XYLB: variants seen among roughly 807,000 people sequenced by gnomAD.
The protein encoded by XYLB is xylulokinase, also known as xylulose kinase.
XYLB carries 62 observed loss-of-function variants against 78.7 expected under a neutral mutation model. The ratio of observed to expected loss-of-function variants is 0.79; its 90% confidence interval spans 0.64 to 0.97. The LOEUF (loss-of-function observed/expected upper bound fraction) is 0.97. Ranked by LOEUF, XYLB falls within the 50% of genes least tolerant of loss-of-function variation. The probability of loss-of-function intolerance (pLI) is 0.00; values close to 1 mark genes in which losing one functional copy is unlikely to be tolerated. For missense variants in XYLB, 687 were observed against 676.8 expected, an observed-to-expected ratio of 1.02 and a Z score of -0.17; for synonymous variants, 245 against 247.4, an observed-to-expected ratio of 0.99 and a Z score of 0.09.
At chr3:38,439,379 C>A in the XYLB span, among the ~76,000 whole-genome samples, 1 of 152,184 alleles carries the variant, frequency 6.6e-6, no homozygotes, top group Admixed American at 6.5e-5. Context: ...GTTAAAAATA[C>A]AAGGCCCAAA....
the XYLB span, among the ~76,000 whole-genome samples, chr3:38,436,953 G>A: frequency 6.6e-6 from 1 of 150,732 alleles, no homozygotes; most frequent in African/African-American, 2.4e-5. Flanking sequence ...GCAGTGAGCT[G>A]AGATCACACC....
intron 8 of XYLB, among the ~76,000 whole-genome samples, chr3:38,369,687 G>A (rs562029528): frequency 1.3e-5 from 2 of 152,208 alleles, no homozygotes; most frequent in Non-Finnish European, 2.9e-5. Flanking sequence ...TGAAAAGTTA[G>A]ATGAGATTGA....
At chr3:38,353,899 A>AG (rs1705503519) in intron 2 of XYLB, among the ~76,000 whole-genome samples, 1 of 150,888 alleles carries the variant, frequency 6.6e-6, no homozygotes. Context: ...AAAAAAAAAA[A>AG]AAAGAAGTCC....
the XYLB span, among the ~76,000 whole-genome samples, chr3:38,445,756 C>T: frequency 1.7e-3 from 260 of 152,280 alleles, no homozygotes; most frequent in African/African-American, 5.8e-3. Context: ...GAGCCCTTTC[C>T]CAGAAAGCCT....
At position 38,365,253 on chromosome 3, in the gene XYLB, TCACCAGACCTCCGGCTA is replaced by T; in HGVS notation, c.353_369del (p.Asp118AlafsTer46). The T allele has an allele frequency of 1.9e-6, 3 of 1,614,218 alleles. No individual in the cohort carries two copies. Among genetic ancestry groups the T allele is most frequent in the South Asian group, 1.1e-5 (1 of 91,084 alleles). The stretch of plus-strand genomic sequence containing the variant: ...AGCCCAGCAGGCACTGACAAGCTTA[TCACCAGACCTCCGGCTA>T]CACCAGCAGCTGCAGGTAACTGTGG... On this transcript the variant is annotated frameshift_variant, in exon 5 of 19. Transcript: ENST00000207870. LOFTEE classifies it high-confidence loss of function.
the XYLB span, among the ~76,000 whole-genome samples, chr3:38,441,763 C>G: frequency 6.6e-6 from 1 of 152,212 alleles, no homozygotes; most frequent in African/African-American, 2.4e-5. Context: ...GCCGCAACTA[C>G]CCATAAACAG....
Position 38,403,558 on chromosome 3 carries a change from C to T in XYLB, c.1533+2573C>T, listed in dbSNP as rs907387832. 2.0e-4 allele frequency among the ~76,000 whole-genome samples: 30 copies of T among 152,142 alleles called. 1 individual carries two copies. Among genetic ancestry groups the T allele is most frequent in the Non-Finnish European group, 2.9e-5 (2 of 68,020 alleles). ...GAAGGTGACATTGGGCAGAGAGTCT[C>T]TCCTCACACACCTCTTGCTCATCAG... On this transcript the variant is annotated intron_variant, in intron 18 of 18. Transcript: ENST00000207870.
intron 18 of XYLB, among the ~76,000 whole-genome samples, chr3:38,410,914 C>T (rs1236538446): frequency 6.6e-6 from 1 of 151,956 alleles, no homozygotes; most frequent in African/African-American, 2.4e-5. Context: ...GAAATAGGAA[C>T]ACTTTTACAC....
intron 14 of XYLB, among the ~76,000 whole-genome samples, chr3:38,378,282 CTTCA>C (rs978362465): frequency 6.6e-6 from 1 of 152,250 alleles, no homozygotes; most frequent in Non-Finnish European, 1.5e-5. Flanking sequence ...AAGTAGTGTT[CTTCA>C]TTCATTCATT....
exon 18 of XYLB, among the ~76,000 whole-genome samples, chr3:38,420,436 T>G (rs1708941331): frequency 6.6e-6 from 1 of 152,252 alleles, no homozygotes; most frequent in African/African-American, 2.4e-5. Flanking sequence ...TCCATCGGGC[T>G]AAGAAATTTC....
intron 10 of XYLB, among the ~76,000 whole-genome samples, chr3:38,373,159 G>A (rs115662466): frequency 0.023 from 3,523 of 152,240 alleles, 136 homozygotes; most frequent in African/African-American, 0.079. Context: ...CTGCAGCAAT[G>A]ACTTGTTTCT....
At chr3:38,397,609 G>C (rs1316879807) in intron 17 of XYLB, among the ~76,000 whole-genome samples, 1 of 151,984 alleles carries the variant, frequency 6.6e-6, no homozygotes, top group Admixed American at 6.6e-5. Context: ...TGCCCTGTTG[G>C]AGGCCTCGCT....
chr3:38,360,252 A>G, intron 2 of XYLB, 87 bp from the exon 3 acceptor site: 2 of 1,265,822 alleles, frequency 1.6e-6, no homozygotes, highest in Non-Finnish European at 2.3e-6. Flanking sequence ...GGACATTTCC[A>G]GAGTCATCCA....
At chr3:38,431,939 G>A in the XYLB span, among the ~76,000 whole-genome samples, 1 of 152,048 alleles carries the variant, frequency 6.6e-6, no homozygotes. Flanking sequence ...CATGAGGATT[G>A]TTATAATTCA....
chr3:38,439,326 G>A, the XYLB span, among the ~76,000 whole-genome samples: 3 of 152,176 alleles, frequency 2.0e-5, no homozygotes, highest in African/African-American at 4.8e-5. Context: ...GCCATCTGTA[G>A]CTTGACAGCC....
rs754939190 is a variant in XYLB at position 38,362,935 on chromosome 3, A to C, written c.211-2A>C. ...CATGGTGGGTTCTGTTTTTCTTCTT[A>C]GGCACTGGATATCATCTTGGAGAAG... On this transcript the variant is annotated splice_acceptor_variant, in intron 3 of 18. Transcript: ENST00000207870. LOFTEE classifies it high-confidence loss of function. 3.2e-6 allele frequency: 5 copies of C among 1,567,666 alleles called. No individual in the cohort carries two copies. The highest frequency in any genetic ancestry group is 2.4e-5 in the South Asian group (2 of 84,750).
At chr3:38,405,291 C>G (rs1488004868) in intron 18 of XYLB, among the ~76,000 whole-genome samples, 5 of 150,158 alleles carry the variant, frequency 3.3e-5, no homozygotes, top group African/African-American at 7.4e-5. Context: ...AATCCCAGCA[C>G]TTTGGGAGGC....
chr3:38,432,630 G>C, the XYLB span, among the ~76,000 whole-genome samples: 1 of 152,166 alleles, frequency 6.6e-6, no homozygotes, highest in Non-Finnish European at 1.5e-5. Flanking sequence ...CTGTTCTAAA[G>C]GGGAGACATT....
intron 10 of XYLB, among the ~76,000 whole-genome samples, chr3:38,374,183 C>T (rs1017371967): frequency 5.3e-5 from 8 of 152,162 alleles, no homozygotes; most frequent in South Asian, 2.1e-4. Flanking sequence ...TCTGCACTCT[C>T]GGAAGTGCCT....
Sources: gnomAD v4.1 joint callset for allele counts (sites outside exome capture counted in the v4.1 genomes callset) on GRCh38, gnomAD v4.1.1 for gene constraint, MANE v1.5 for transcripts, NCBI Gene and HGNC (gene_info 2026-07-23, HGNC 2026-07-21) for gene names.